The following SEM1 variants were observed in gnomAD, a reference collection of about 807,000 sequenced individuals.
The protein encoded by SEM1 is SEM1 26S proteasome subunit.
A neutral mutation model predicts 12.7 loss-of-function variants in SEM1; 3 were observed. The observed-to-expected ratio is 0.24, with a 90% confidence interval of 0.11 to 0.61. The LOEUF is 0.61. Ranked by LOEUF, SEM1 falls within the 20% of genes least tolerant of loss-of-function variation. SEM1 has a pLI of 0.88. For synonymous variants in SEM1, 30 were observed against 27.8 expected (o/e 1.08, Z -0.25); for missense variants, 59 against 81.3 (o/e 0.73, Z 1.06).
intron 1 of SEM1, among the ~76,000 whole-genome samples, chr7:96,705,200 G>T (rs1365300838): frequency 2.0e-5 from 3 of 152,128 alleles, no homozygotes; most frequent in Admixed American, 2.0e-4. Context: ...GGGTGGGAAG[G>T]TGGGTAGTAT....
In SEM1 at chr7:96,693,605, A is replaced by G. The variant is rs965452849; in HGVS notation, c.170+1193T>C. Among the ~76,000 whole-genome samples, 92 of 152,150 alleles carry G rather than the reference A, an allele frequency of 6.0e-4. 2 individuals carry two copies. Among genetic ancestry groups the G allele is most frequent in the African/African-American group, 1.9e-3 (80 of 41,554 alleles). Reference sequence around the variant, plus strand: ...CTATAATTTAAAACAAAAAAGAAAAATAAGTTTTGGCAAGGATGTGGAGAG... The same window carrying G: ...CTATAATTTAAAACAAAAAAGAAAAGTAAGTTTTGGCAAGGATGTGGAGAG... On this transcript the variant is annotated intron_variant, in intron 2 of 2. Coordinates refer to ENST00000248566, the MANE Select transcript of SEM1 (RefSeq NM_006304.2).
chr7:96,588,391 CACACACGAGA>C (rs1299053034), intron 2 of SEM1, among the ~76,000 whole-genome samples: 8 of 60,686 alleles, frequency 1.3e-4, no homozygotes, highest in African/African-American at 3.7e-4. Flanking sequence ...CACACACACA[CACACACGAGA>C]GAGAGAGAGA....
chr7:96,572,465 A>C (rs1806066568), intron 2 of SEM1, among the ~76,000 whole-genome samples: 1 of 152,098 alleles, frequency 6.6e-6, no homozygotes, highest in Admixed American at 6.5e-5. Flanking sequence ...TGTGTCCCAG[A>C]GATTCTGGTA....
chr7:96,482,196 C>T (rs1802568010), exon 4 of SEM1: 1 of 152,092 alleles, frequency 6.6e-6, no homozygotes, highest in African/African-American at 2.4e-5. Flanking sequence ...TTTAAGGATA[C>T]AGGGAAGAGA....
chr7:96,702,697 G>A (rs1333559302), intron 1 of SEM1, among the ~76,000 whole-genome samples: 1 of 152,172 alleles, frequency 6.6e-6, no homozygotes, highest in East Asian at 1.9e-4. Context: ...CCCCAAAACT[G>A]CCTATTAGGA....
intron 2 of SEM1, among the ~76,000 whole-genome samples, chr7:96,533,776 G>GCAT (rs1804710017): frequency 6.6e-6 from 1 of 151,820 alleles, no homozygotes; most frequent in South Asian, 2.1e-4. Flanking sequence ...CTTTTTCATT[G>GCAT]CATCATCATT....
intron 2 of SEM1, among the ~76,000 whole-genome samples, chr7:96,614,535 T>C (rs1807642606): frequency 6.6e-6 from 1 of 152,228 alleles, no homozygotes; most frequent in Non-Finnish European, 1.5e-5. Context: ...TGCTGCTGCT[T>C]CTTGCTACAA....
At chr7:96,702,251 TAC>T (rs371384763) in intron 1 of SEM1, among the ~76,000 whole-genome samples, 2,173 of 151,338 alleles carry the variant, frequency 0.014, 44 homozygotes, top group African/African-American at 0.05. Flanking sequence ...GTTTTATACA[TAC>T]ACACACACAC....
At chr7:96,577,954 G>A (rs574580795) in intron 2 of SEM1, among the ~76,000 whole-genome samples, 25 of 152,026 alleles carry the variant, frequency 1.6e-4, no homozygotes, top group African/African-American at 5.5e-4. Flanking sequence ...TGTTTAATTT[G>A]CTTAAGGAAA....
chr7:96,574,660 C>T (rs1194006879), intron 2 of SEM1, among the ~76,000 whole-genome samples: 71 of 152,102 alleles, frequency 4.7e-4, no homozygotes, highest in Admixed American at 4.6e-3. Flanking sequence ...TTATTCATTC[C>T]TTTTCATTCT....
At chr7:96,560,429 A>G (rs1449688332) in intron 2 of SEM1, among the ~76,000 whole-genome samples, 1 of 152,140 alleles carries the variant, frequency 6.6e-6, no homozygotes, top group African/African-American at 2.4e-5. Context: ...TTGGCCATCT[A>G]AATTTCTTTA....
In SEM1 at chr7:96,682,789, T is replaced by C. The variant is rs1242942864; in HGVS notation, c.171-8930A>G. Among the ~76,000 whole-genome samples the C allele has an allele frequency of 5.9e-5, 9 of 152,144 alleles. No homozygotes were observed. The South Asian group carries it at 1.7e-3, about 28-fold the overall frequency. On this transcript the variant is annotated intron_variant, in intron 2 of 2. Transcript: ENST00000413065. ...ATCTGTCCATCTGACAAAGGATACA[T>C]TGTATCCTTTGTCTATCTTTGGATA...
At chr7:96,585,672 C>A (rs533423713) in intron 2 of SEM1, among the ~76,000 whole-genome samples, 3 of 152,204 alleles carry the variant, frequency 2.0e-5, no homozygotes, top group Non-Finnish European at 4.4e-5. Flanking sequence ...TCTCCTGATG[C>A]GCTGTTTTTT....
At chr7:96,579,798 T>C (rs1806325724) in intron 2 of SEM1, among the ~76,000 whole-genome samples, 1 of 152,090 alleles carries the variant, frequency 6.6e-6, no homozygotes, top group East Asian at 1.9e-4. Context: ...TTTATACCAA[T>C]ATGATTTTGA....
intron 2 of SEM1, among the ~76,000 whole-genome samples, chr7:96,574,957 A>C (rs959223731): frequency 6.6e-6 from 1 of 152,012 alleles, no homozygotes; most frequent in Non-Finnish European, 1.5e-5. Context: ...TCTGAAGCCT[A>C]TTTCTGTCAA....
At chr7:96,635,020 C>G (rs1247745506) in intron 2 of SEM1, among the ~76,000 whole-genome samples, 1 of 151,956 alleles carries the variant, frequency 6.6e-6, no homozygotes, top group African/African-American at 2.4e-5. Context: ...CCAACCCAGA[C>G]AGGAGCCTAT....
intron 2 of SEM1, among the ~76,000 whole-genome samples, chr7:96,565,108 A>G (rs1584767624): frequency 1.3e-5 from 2 of 152,140 alleles, no homozygotes; most frequent in East Asian, 1.9e-4. Context: ...AATCCTCATC[A>G]GAGCAGGAGG....
intron 2 of SEM1, among the ~76,000 whole-genome samples, chr7:96,570,171 A>G (rs2115973403): frequency 6.6e-6 from 1 of 150,758 alleles, no homozygotes. Flanking sequence ...TTTTCTCTGC[A>G]TACTTGCCAG....
intron 2 of SEM1, among the ~76,000 whole-genome samples, chr7:96,597,168 T>C (rs530281473): frequency 6.6e-6 from 1 of 152,320 alleles, no homozygotes; most frequent in African/African-American, 2.4e-5. Flanking sequence ...GCCGGATTAT[T>C]CAATGCCTTA....
Sources: gnomAD v4.1 joint callset for allele counts (sites outside exome capture counted in the v4.1 genomes callset) on GRCh38, gnomAD v4.1.1 for gene constraint, MANE v1.5 for transcripts, NCBI Gene and HGNC (gene_info 2026-07-23, HGNC 2026-07-21) for gene names.